Variants in LARP4B observed in about 807,000 individuals in gnomAD.
LARP4B encodes la-related protein 4B.
LARP4B carries 12 observed loss-of-function variants against 89.8 expected under a neutral mutation model. The observed-to-expected ratio is 0.13, with a 90% CI of 0.09 to 0.22. The LOEUF is 0.22. LARP4B is among the 10% of genes least tolerant of loss of function. The pLI is 1.00. For synonymous variants in LARP4B, 367 were observed against 363.3 expected (o/e 1.01, Z -0.12); for missense variants, 757 against 947.7 (o/e 0.80, Z 2.64).
At chr10:863,262 C>T (rs1224894894) in intron 5 of LARP4B, among the ~76,000 whole-genome samples, 7 of 149,760 alleles carry the variant, frequency 4.7e-5, no homozygotes, top group Non-Finnish European at 8.9e-5. Flanking sequence ...CTCGCTCTGT[C>T]GCCCAGGCTG....
In LARP4B at chr10:814,281, T is replaced by C. The variant is rs1318462050; in HGVS notation, c.1929+461A>G. Among the ~76,000 whole-genome samples the C allele has an allele frequency of 6.6e-6, 1 of 151,630 alleles. No homozygotes were observed. Among genetic ancestry groups the C allele is most frequent in the African/African-American group, 2.4e-5 (1 of 41,198 alleles). On this transcript the variant is annotated intron_variant, in intron 17 of 17. Transcript: ENST00000316157. This position sits in a 1 kb window ranked among gnomAD's most constrained non-coding sequence, Gnocchi z 4.4. The stretch of plus-strand genomic sequence containing the variant: ...GTAAGAGAGGCCACAGTTCACCCAG[T>C]AGGGAAAACAGCAGAAAGGAAGTCG...
At chr10:940,010 TAA>T in the LARP4B span, among the ~76,000 whole-genome samples, 1 of 143,666 alleles carries the variant, frequency 7.0e-6, no homozygotes, top group East Asian at 2.0e-4. Flanking sequence ...CACGCCCGGC[TAA>T]TTTTTTTTTT....
intron 1 of LARP4B, among the ~76,000 whole-genome samples, chr10:901,228 C>T (rs1380811091): frequency 2.6e-5 from 4 of 152,092 alleles, no homozygotes; most frequent in African/African-American, 7.2e-5. Flanking sequence ...GGATATATTT[C>T]TTAACAGAAA....
At chr10:906,331 T>C (rs1177350507) in intron 1 of LARP4B, among the ~76,000 whole-genome samples, 1 of 152,264 alleles carries the variant, frequency 6.6e-6, no homozygotes, top group African/African-American at 2.4e-5. Context: ...TAACTGCTTT[T>C]ACACTATTTT....
At chr10:840,286 A>G (rs1262977908) in intron 7 of LARP4B, among the ~76,000 whole-genome samples, 2 of 152,152 alleles carry the variant, frequency 1.3e-5, no homozygotes, top group African/African-American at 4.8e-5. Context: ...TCTGCACTTC[A>G]TGCCTCGCCC....
intron 5 of LARP4B, among the ~76,000 whole-genome samples, chr10:861,738 G>A (rs1834627011): frequency 6.6e-6 from 1 of 152,008 alleles, no homozygotes; most frequent in African/African-American, 2.4e-5. Context: ...CCATCCTCAA[G>A]ACAGATCTTC....
Position 810,689 on chromosome 10 carries a change from C to T in LARP4B, c.*2237G>A, listed in dbSNP as rs538074932. The stretch of plus-strand genomic sequence containing the variant: ...ATGGCTGATGGCGCCCTGGCCCTTC[C>T]GTAGCGAAGATGCAGCTCGTAGGCC... On this transcript the variant is annotated 3_prime_UTR_variant, in exon 18 of 18. Coordinates refer to ENST00000316157, the MANE Select transcript of LARP4B (RefSeq NM_015155.3). 6.6e-6 allele frequency: 1 copy of T among 152,286 alleles called. No homozygotes were observed. Among genetic ancestry groups the T allele is most frequent in the Admixed American group, 6.5e-5 (1 of 15,314 alleles). The allele number at this position is 152,286 out of a possible 1,614,324, so 9.4% of individuals were successfully genotyped here.
chr10:829,848 G>C, intron 9 of LARP4B, 114 bp from the exon 10 acceptor site: 1 of 735,124 alleles, frequency 1.4e-6, no homozygotes, highest in Non-Finnish European at 2.3e-6. Context: ...ATGGTGAACA[G>C]AACCTAGAAT....
chr10:826,099 C>G (rs1329192712), intron 11 of LARP4B, among the ~76,000 whole-genome samples: 2 of 152,206 alleles, frequency 1.3e-5, no homozygotes, highest in Non-Finnish European at 2.9e-5. Flanking sequence ...GCGAGGAGAA[C>G]TGACACATGC....
At chr10:843,359 T>C (rs866138997) in intron 6 of LARP4B, among the ~76,000 whole-genome samples, 17 of 152,262 alleles carry the variant, frequency 1.1e-4, no homozygotes, top group African/African-American at 4.1e-4. Flanking sequence ...TTTATAGCTG[T>C]CATTTTTGTC....
intron 1 of LARP4B, among the ~76,000 whole-genome samples, chr10:912,355 A>C (rs1409451665): frequency 6.6e-6 from 1 of 152,164 alleles, no homozygotes; most frequent in East Asian, 1.9e-4. Flanking sequence ...TTTTAAGAAC[A>C]TTTACAAATT....
intron 5 of LARP4B, 34 bp downstream of exon 5, chr10:863,709 T>G: frequency 6.4e-7 from 1 of 1,560,060 alleles, no homozygotes; most frequent in Non-Finnish European, 8.7e-7. Flanking sequence ...CAGCCCATAT[T>G]CCCTGGGAAA....
chr10:864,115 C>G lies in LARP4B; in HGVS notation c.289+8G>C. ...GGGGGCTGCACACCACGGCCATGCTCAACTTACCCTGCGGGCCACGGTCTG... is the reference window on the plus strand; with the variant it reads ...GGGGGCTGCACACCACGGCCATGCTGAACTTACCCTGCGGGCCACGGTCTG... On this transcript the variant is annotated splice_region_variant and intron_variant, in intron 4 of 17. Transcript: ENST00000316157. 2 of 1,614,140 alleles carry G rather than the reference C, an allele frequency of 1.2e-6. No individual in the cohort carries two copies. Among genetic ancestry groups the G allele is most frequent in the Non-Finnish European group, 1.7e-6 (2 of 1,179,976 alleles).
At position 886,833 on chromosome 10, in the gene LARP4B, T is replaced by C. The variant is rs1835870676; in HGVS notation, c.-39-1073A>G. ...CGCCGGGCACAGTGGCTCAAGCCTA[T>C]AATCCCAGCAGTTTGGGAGGCCAAA... On this transcript the variant is annotated intron_variant, in intron 1 of 17. Coordinates refer to ENST00000316157, the MANE Select transcript of LARP4B (RefSeq NM_015155.3). 2.0e-5 allele frequency among the ~76,000 whole-genome samples: 3 copies of C among 152,248 alleles called. No homozygotes were observed. The South Asian group carries it at 6.2e-4, about 32-fold the overall frequency.
Position 931,539 on chromosome 10 carries a change from G to A in LARP4B, c.-151C>T, listed in dbSNP as rs1212438086. The A allele has an allele frequency of 6.6e-6, 1 of 150,606 alleles. No individual in the cohort carries two copies. The highest frequency in any genetic ancestry group is 6.6e-5 in the Admixed American group (1 of 15,062). 9.3% of individuals were successfully genotyped at this position (150,606 alleles called of 1,614,324 possible). A position where few individuals can be genotyped will look rare whatever the true frequency, so the allele number is the denominator to read the frequency against. On this transcript the variant is annotated 5_prime_UTR_variant, in exon 1 of 18. Coordinates refer to ENST00000316157, the MANE Select transcript of LARP4B (RefSeq NM_015155.3). Reference sequence around the variant, plus strand: ...ACGGCGAGGAGAGAGACGGCAGGGAGAGGCGGCGCGGCCGGGCCGGGCCGG... The same window carrying A: ...ACGGCGAGGAGAGAGACGGCAGGGAAAGGCGGCGCGGCCGGGCCGGGCCGG...
At chr10:926,349 T>C (rs1428621214) in intron 1 of LARP4B, among the ~76,000 whole-genome samples, 1 of 152,212 alleles carries the variant, frequency 6.6e-6, no homozygotes, top group Admixed American at 6.5e-5. Context: ...TAAGTAAATA[T>C]TTTAAAAATT....
chr10:833,618 G>A (rs547055333), intron 8 of LARP4B, among the ~76,000 whole-genome samples: 1 of 152,316 alleles, frequency 6.6e-6, no homozygotes, highest in Non-Finnish European at 1.5e-5. Context: ...TGGGCCCGGT[G>A]CGGTGGCTCA....
chr10:948,613 C>T, the LARP4B span, among the ~76,000 whole-genome samples: 7 of 152,232 alleles, frequency 4.6e-5, no homozygotes, highest in Non-Finnish European at 7.3e-5. Context: ...CAGGCACAGA[C>T]GTCCACCCCC....
In LARP4B at chr10:820,597, G is replaced by C. The variant is rs1398727080; in HGVS notation, c.1530+203C>G. The C allele has an allele frequency of 5.2e-6, 3 of 571,756 alleles. No individual in the cohort carries two copies. In the African/African-American group the frequency reaches 5.6e-5, roughly 11 times the overall value. The allele number at this position is 571,756 out of a possible 1,614,324, so 35.4% of individuals were successfully genotyped here. ...CCTGTGCACTGTGGAGTCCTGTGCAGCACATCGCTATTTCCAAAACCTCTA... is the reference window on the plus strand; with the variant it reads ...CCTGTGCACTGTGGAGTCCTGTGCACCACATCGCTATTTCCAAAACCTCTA... On this transcript the variant is annotated intron_variant, in intron 14 of 17. Transcript: ENST00000316157.
Sources: gnomAD v4.1 joint callset for allele counts (sites outside exome capture counted in the v4.1 genomes callset) on GRCh38, gnomAD v4.1.1 for gene constraint, Gnocchi (gnomAD v3.1) non-coding constraint, MANE v1.5 for transcripts, NCBI Gene and HGNC (gene_info 2026-07-23, HGNC 2026-07-21) for gene names.